The following BCAP29 variants were observed in gnomAD, a reference collection of about 807,000 sequenced individuals.
BCAP29 encodes B cell receptor associated protein 29.
BCAP29 carries 34 observed loss-of-function variants against 31.8 expected under a neutral mutation model. The observed-to-expected ratio is 1.07, with a 90% CI of 0.81 to 1.42. BCAP29 has a LOEUF of 1.42. Ranked by LOEUF, BCAP29 falls within the 40% of genes most tolerant of loss-of-function variation. BCAP29 has a pLI of 0.00. For synonymous variants in BCAP29, 104 were observed against 91.3 expected, an observed-to-expected ratio of 1.14 and a Z score of -0.79; for missense variants, 314 against 269.2, an observed-to-expected ratio of 1.17 and a Z score of -1.16.
chr7:107,616,354 A>G (rs1309774101), intron 7 of BCAP29: 9 of 152,160 alleles, frequency 5.9e-5, no homozygotes, highest in African/African-American at 2.2e-4. Context: ...CTTTTCTGCT[A>G]TTGATAATCC....
At chr7:107,608,990 A>G (rs1231189589) in intron 6 of BCAP29, among the ~76,000 whole-genome samples, 1 of 152,250 alleles carries the variant, frequency 6.6e-6, no homozygotes, top group African/African-American at 2.4e-5. Flanking sequence ...TTTCTTGAGT[A>G]GTCCATAGTC....
chr7:107,610,819 A>T (rs1812989103), intron 6 of BCAP29, among the ~76,000 whole-genome samples: 1 of 152,210 alleles, frequency 6.6e-6, no homozygotes, highest in Admixed American at 6.5e-5. Context: ...AGATATATTA[A>T]ATTTATTAAA....
intron 7 of BCAP29, among the ~76,000 whole-genome samples, chr7:107,614,851 G>A (rs148968503): frequency 6.6e-6 from 1 of 152,322 alleles, no homozygotes; most frequent in African/African-American, 2.4e-5. Context: ...CTCAAAAATA[G>A]AGACCCTAAA....
intron 6 of BCAP29, among the ~76,000 whole-genome samples, chr7:107,606,530 G>A (rs925019221): frequency 1.3e-5 from 2 of 152,110 alleles, no homozygotes; most frequent in African/African-American, 4.8e-5. Flanking sequence ...ACAGGATCTG[G>A]CAGGTTTTAT....
chr7:107,616,560 T>C (rs1335786054), intron 7 of BCAP29, among the ~76,000 whole-genome samples: 2 of 152,240 alleles, frequency 1.3e-5, no homozygotes, highest in Non-Finnish European at 2.9e-5. Context: ...TAATACCTTA[T>C]GAAAATTAAA....
downstream of BCAP29, chr7:107,621,453 G>A (rs893751475): frequency 2.2e-5 from 6 of 273,370 alleles, no homozygotes; most frequent in Non-Finnish European, 4.4e-5. Flanking sequence ...AAACACTTTA[G>A]GAACTGTGGT....
upstream of BCAP29, chr7:107,580,210 C>T (rs959029751): frequency 6.6e-6 from 1 of 152,028 alleles, no homozygotes; most frequent in Non-Finnish European, 1.5e-5. Context: ...GGGTGGGGCC[C>T]TGGCTCCCCT....
intron 3 of BCAP29, among the ~76,000 whole-genome samples, chr7:107,590,846 A>AAAGG (rs1808599505): frequency 6.6e-6 from 1 of 151,826 alleles, no homozygotes; most frequent in African/African-American, 2.4e-5. Context: ...AGAAAGAAAG[A>AAAGG]AAGAAAGAAA....
intron 4 of BCAP29, 71 bp downstream of exon 4, chr7:107,594,176 C>T (rs1278924223): frequency 5.0e-6 from 7 of 1,405,760 alleles, no homozygotes; most frequent in Non-Finnish European, 6.8e-6. Context: ...ATTTTGTCCA[C>T]CTTTACTGTA....
chr7:107,604,265 A>G (rs1811685921), intron 6 of BCAP29, among the ~76,000 whole-genome samples: 1 of 152,168 alleles, frequency 6.6e-6, no homozygotes, highest in Non-Finnish European at 1.5e-5. Flanking sequence ...ACCCTTGAAG[A>G]TGTTAAGTTT....
intron 5 of BCAP29, among the ~76,000 whole-genome samples, chr7:107,599,187 A>ATATT (rs1810498445): frequency 7.6e-5 from 3 of 39,280 alleles, no homozygotes; most frequent in African/African-American, 1.2e-4. Context: ...TAAAATTTAT[A>ATATT]TGTATATAAA....
At chr7:107,615,553 G>A (rs933728145) in intron 7 of BCAP29, 2 of 288,228 alleles carry the variant, frequency 6.9e-6, no homozygotes, top group Non-Finnish European at 1.4e-5. Flanking sequence ...CCGAGATCGC[G>A]CTTTTGCACT....
intron 3 of BCAP29, among the ~76,000 whole-genome samples, chr7:107,585,987 G>C (rs778355458): frequency 1.3e-5 from 2 of 151,360 alleles, no homozygotes; most frequent in Non-Finnish European, 2.9e-5. Flanking sequence ...GTGAAACTCC[G>C]TCTCAAAAAA....
At chr7:107,621,889 G>T (rs781632320), downstream of BCAP29, 3 of 534,426 alleles carry the variant, frequency 5.6e-6, no homozygotes, top group Non-Finnish European at 1.2e-5. Context: ...GTGATTATTT[G>T]TTACTGCTGC....
intron 7 of BCAP29, chr7:107,613,776 T>C (rs1281720173): frequency 6.6e-7 from 1 of 1,521,788 alleles, no homozygotes; most frequent in Non-Finnish European, 9.1e-7. Context: ...CATGCCAAAA[T>C]GAGGCCAAAA....
In BCAP29 at chr7:107,582,489, T is replaced by G. The variant is rs1806880220; in HGVS notation, c.93-1393T>G. Among the ~76,000 whole-genome samples, 4 of 152,346 alleles carry G rather than the reference T, an allele frequency of 2.6e-5. No individual in the cohort carries two copies. The South Asian group carries it at 8.3e-4, about 32-fold the overall frequency. On this transcript the variant is annotated intron_variant, in intron 2 of 7. Transcript: ENST00000005259. ...CATCATTTAGTCTCTATTATTTTCTTACATAACCCAGTGGTTAAAGGCACA... is the reference window on the plus strand; with the variant it reads ...CATCATTTAGTCTCTATTATTTTCTGACATAACCCAGTGGTTAAAGGCACA...
chr7:107,592,138 GTAT>G (rs954283311), intron 3 of BCAP29, among the ~76,000 whole-genome samples: 23 of 151,910 alleles, frequency 1.5e-4, no homozygotes, highest in Non-Finnish European at 3.1e-4. Flanking sequence ...TTTTAAAAAA[GTAT>G]TATATGTCAA....
At chr7:107,599,627 G>A (rs1157377734) in intron 5 of BCAP29, among the ~76,000 whole-genome samples, 1 of 151,228 alleles carries the variant, frequency 6.6e-6, no homozygotes, top group East Asian at 1.9e-4. Flanking sequence ...TGTCTTTCTA[G>A]GTAATTTAAA....
At chr7:107,602,726 T>A (rs1183661789) in intron 6 of BCAP29, among the ~76,000 whole-genome samples, 3 of 152,094 alleles carry the variant, frequency 2.0e-5, no homozygotes, top group Non-Finnish European at 4.4e-5. Flanking sequence ...AAAAGTGGCA[T>A]TCTGAAGGCA....
Sources: gnomAD v4.1 joint callset for allele counts (sites outside exome capture counted in the v4.1 genomes callset) on GRCh38, gnomAD v4.1.1 for gene constraint, MANE v1.5 for transcripts, NCBI Gene and HGNC (gene_info 2026-07-23, HGNC 2026-07-21) for gene names.